ROBO2: variants seen among roughly 807,000 people sequenced by gnomAD.
ROBO2 encodes roundabout homolog 2.
ROBO2 carries 53 observed loss-of-function variants against 160.8 expected under a neutral mutation model. The observed-to-expected ratio is 0.33, with a 90% CI of 0.26 to 0.41. The LOEUF is 0.41. Ranked by LOEUF, ROBO2 falls within the 10% of genes least tolerant of loss-of-function variation. ROBO2 has a pLI of 1.00. For missense variants in ROBO2, 1,577 were observed against 1,722.4 expected, an observed-to-expected ratio of 0.92 and a Z score of 1.49; for synonymous variants, 664 against 611.7, an observed-to-expected ratio of 1.09 and a Z score of -1.26.
chr3:77,564,153 A>C (rs187222073), intron 11 of ROBO2, among the ~76,000 whole-genome samples: 1 of 152,270 alleles, frequency 6.6e-6, no homozygotes, highest in East Asian at 1.9e-4. Flanking sequence ...TCAAATTTCA[A>C]AATACTACGT....
At chr3:75,946,069 G>A (rs1948278756) in intron 2 of ROBO2, among the ~76,000 whole-genome samples, 2 of 151,976 alleles carry the variant, frequency 1.3e-5, no homozygotes, top group African/African-American at 2.4e-5. Context: ...TTGGAAAGAC[G>A]GTGTTTCCTT....
Position 77,621,340 on chromosome 3 carries a change from C to T in ROBO2, c.3555-887C>T, listed in dbSNP as rs577976132. Among the ~76,000 whole-genome samples, 57 of 152,168 alleles carry T rather than the reference C, an allele frequency of 3.7e-4. 1 individual carries two copies. The highest frequency in any genetic ancestry group is 1.6e-4 in the Non-Finnish European group (11 of 68,006). ...ACTTGGGAGACCAAGGCAGGAGGAT[C>T]GCTTACGCCTGGGAAGTCAGGGCTG... On this transcript the variant is annotated intron_variant, in intron 22 of 25. Transcript: ENST00000461745.
intron 2 of ROBO2, among the ~76,000 whole-genome samples, chr3:76,347,771 C>G (rs2074616850): frequency 7.9e-5 from 12 of 151,976 alleles, no homozygotes; most frequent in Admixed American, 7.9e-4. Flanking sequence ...TGAGAAATAC[C>G]TGGAAAATAA....
chr3:76,264,814 A>C (rs896131057), intron 2 of ROBO2, among the ~76,000 whole-genome samples: 1 of 152,088 alleles, frequency 6.6e-6, no homozygotes, highest in Non-Finnish European at 1.5e-5. Context: ...GGAATGATTA[A>C]AGTGGCTTTT....
chr3:76,204,431 G>A (rs1702704186), intron 2 of ROBO2, among the ~76,000 whole-genome samples: 1 of 151,980 alleles, frequency 6.6e-6, no homozygotes, highest in African/African-American at 2.4e-5. Flanking sequence ...TCACAAAATA[G>A]TATGATGGAA....
intron 2 of ROBO2, among the ~76,000 whole-genome samples, chr3:76,237,880 T>A (rs1559672772): frequency 6.6e-6 from 1 of 152,164 alleles, no homozygotes; most frequent in Non-Finnish European, 1.5e-5. Context: ...AGACAGCGAT[T>A]TTCCCCTCAA....
intron 4 of ROBO2, among the ~76,000 whole-genome samples, chr3:77,491,532 G>C (rs1298975844): frequency 6.6e-6 from 1 of 152,152 alleles, no homozygotes; most frequent in Non-Finnish European, 1.5e-5. Context: ...AGAAATGATA[G>C]CTCAATACCA....
intron 2 of ROBO2, among the ~76,000 whole-genome samples, chr3:76,859,435 G>T: frequency 6.6e-6 from 1 of 152,020 alleles, no homozygotes; most frequent in East Asian, 1.9e-4. Flanking sequence ...TTCTGCTCTG[G>T]GCTTACTAGC....
intron 1 of ROBO2, among the ~76,000 whole-genome samples, chr3:75,920,021 C>A (rs928989844): frequency 2.0e-5 from 3 of 151,846 alleles, no homozygotes; most frequent in Non-Finnish European, 4.4e-5. Flanking sequence ...AAGGTTTTTT[C>A]GTGTTTCTCT....
intron 2 of ROBO2, among the ~76,000 whole-genome samples, chr3:76,877,249 T>G (rs1228961737): frequency 2.6e-5 from 4 of 152,214 alleles, no homozygotes; most frequent in Admixed American, 2.0e-4. Context: ...AAGGTTTTTC[T>G]TAGAAGTGCT....
At chr3:77,635,023 G>C in exon 24 of ROBO2, 1 of 1,613,984 alleles carries the variant, frequency 6.2e-7, no homozygotes, top group Non-Finnish European at 8.5e-7. Flanking sequence ...TTGCCTCATC[G>C]AAGGGAAGGA....
At chr3:76,545,046 A>G (rs2083020531) in intron 2 of ROBO2, among the ~76,000 whole-genome samples, 1 of 151,936 alleles carries the variant, frequency 6.6e-6, no homozygotes, top group African/African-American at 2.4e-5. Context: ...CAATCAAACG[A>G]ACTGGATTTT....
At chr3:76,208,318 C>T (rs1702931219) in intron 2 of ROBO2, among the ~76,000 whole-genome samples, 1 of 152,126 alleles carries the variant, frequency 6.6e-6, no homozygotes, top group Non-Finnish European at 1.5e-5. Flanking sequence ...CCCTGTTTGC[C>T]TTATGTTGAC....
rs1560252424 is a variant in ROBO2 at position 76,622,252 on chromosome 3, AAGAAAGAAAG to A, written c.110-475760_110-475751del. 3.2e-5 allele frequency among the ~76,000 whole-genome samples: 2 copies of A among 61,932 alleles called. 1 individual carries two copies. Among genetic ancestry groups the A allele is most frequent in the Non-Finnish European group, 6.5e-5 (2 of 30,974 alleles). The allele number at this position is 61,932 out of a possible 152,430, so 40.6% of individuals were successfully genotyped here. ...GAAGGAAGGAAGAAAGAAAGAAAGA[AAGAAAGAAAG>A]AAAGAAAGAAAGAAAGAAAGAAAGA... On this transcript the variant is annotated intron_variant, in intron 2 of 26. Transcript: ENST00000487694.
chr3:77,566,875 T>A (rs1305513959), intron 12 of ROBO2, among the ~76,000 whole-genome samples: 1 of 152,092 alleles, frequency 6.6e-6, no homozygotes, highest in Non-Finnish European at 1.5e-5. Context: ...AGCATTTCTT[T>A]TTCAAAGAAC....
chr3:76,149,830 AAC>A (rs753780603), intron 2 of ROBO2, among the ~76,000 whole-genome samples: 67 of 149,660 alleles, frequency 4.5e-4, no homozygotes, highest in Non-Finnish European at 7.3e-4. Context: ...ATCTGTCTAA[AAC>A]ACACATCTGT....
chr3:76,978,106 G>A (rs542260119), intron 2 of ROBO2, among the ~76,000 whole-genome samples: 72 of 152,230 alleles, frequency 4.7e-4, no homozygotes, highest in Middle Eastern at 6.8e-3. Context: ...GATTCCTATA[G>A]TTATTTTTTA....
At chr3:76,947,669 T>C (rs1248287252) in intron 2 of ROBO2, among the ~76,000 whole-genome samples, 1 of 151,774 alleles carries the variant, frequency 6.6e-6, no homozygotes, top group Non-Finnish European at 1.5e-5. Context: ...GGTTTTTTCT[T>C]AGTTAACAAT....
intron 2 of ROBO2, among the ~76,000 whole-genome samples, chr3:77,320,321 C>T (rs2064533799): frequency 6.6e-6 from 1 of 152,130 alleles, no homozygotes; most frequent in Non-Finnish European, 1.5e-5. Flanking sequence ...AGAGCTCTGA[C>T]CATTTTCAAG....
Sources: gnomAD v4.1 joint callset for allele counts (sites outside exome capture counted in the v4.1 genomes callset) on GRCh38, gnomAD v4.1.1 for gene constraint, MANE v1.5 for transcripts, NCBI Gene and HGNC (gene_info 2026-07-23, HGNC 2026-07-21) for gene names.